Variants in ZNF385D observed in about 807,000 individuals in gnomAD.
ZNF385D encodes zinc finger protein 659.
Under a neutral mutation model 35.8 loss-of-function variants are expected in ZNF385D, and 15 were observed. The ratio of observed to expected loss-of-function variants is 0.42; its 90% CI spans 0.28 to 0.64. ZNF385D has a LOEUF of 0.64. Ranked by LOEUF, ZNF385D falls within the 30% of genes least tolerant of loss-of-function variation. ZNF385D has a pLI of 0.23. For missense variants in ZNF385D, 474 were observed against 494.6 expected, an observed-to-expected ratio of 0.96 and a Z score of 0.39; for synonymous variants, 212 against 186.8, an observed-to-expected ratio of 1.13 and a Z score of -1.10.
At chr3:21,423,818 C>A in intron 7 of ZNF385D, 145 bp downstream of exon 7, 1 of 683,672 alleles carries the variant, frequency 1.5e-6, no homozygotes, top group Non-Finnish European at 2.4e-6. Context: ...TCTCTTTTCC[C>A]TATGATCTAT....
intron 2 of ZNF385D, among the ~76,000 whole-genome samples, chr3:22,260,012 ATG>A (rs1553638194): frequency 1.3e-5 from 2 of 152,038 alleles, no homozygotes; most frequent in Non-Finnish European, 2.9e-5. Context: ...GGGAAACTGA[ATG>A]TGTGAGCAAA....
At chr3:21,564,783 A>C in intron 2 of ZNF385D, 99 bp from the exon 3 acceptor site, 1 of 540,318 alleles carries the variant, frequency 1.9e-6, no homozygotes, top group Non-Finnish European at 3.1e-6. Context: ...GTACAGCTTC[A>C]ATCTACTGCT....
At chr3:22,010,539 G>A (rs764386191) in intron 3 of ZNF385D, among the ~76,000 whole-genome samples, 1 of 152,158 alleles carries the variant, frequency 6.6e-6, no homozygotes, top group South Asian at 2.1e-4. Flanking sequence ...TTTCAGTCTA[G>A]AGACTGCAAG....
At chr3:21,550,156 GAAAGT>G (rs2062517104) in intron 3 of ZNF385D, among the ~76,000 whole-genome samples, 1 of 152,086 alleles carries the variant, frequency 6.6e-6, no homozygotes, top group African/African-American at 2.4e-5. Context: ...AGAAAATTTG[GAAAGT>G]AAAGAAGTAA....
chr3:22,013,565 A>C (rs1354522013), intron 3 of ZNF385D, among the ~76,000 whole-genome samples: 2 of 152,290 alleles, frequency 1.3e-5, no homozygotes, highest in Non-Finnish European at 2.9e-5. Flanking sequence ...TGGAACTTCA[A>C]GATAACACCA....
chr3:22,040,055 G>A (rs547362162), intron 3 of ZNF385D, among the ~76,000 whole-genome samples: 6 of 152,194 alleles, frequency 3.9e-5, no homozygotes, highest in Admixed American at 6.5e-5. Flanking sequence ...TCGTACTAAC[G>A]GCCAAGTCTC....
chr3:21,481,666 T>A (rs1704636641), intron 4 of ZNF385D, among the ~76,000 whole-genome samples: 1 of 152,072 alleles, frequency 6.6e-6, no homozygotes, highest in African/African-American at 2.4e-5. Flanking sequence ...AGTGCTGGGA[T>A]TACAGGTGAC....
intron 3 of ZNF385D, among the ~76,000 whole-genome samples, chr3:21,913,399 A>T (rs1700057770): frequency 2.0e-5 from 3 of 152,098 alleles, no homozygotes; most frequent in Admixed American, 1.3e-4. Context: ...CCCCAACCTG[A>T]TGTTAGATGG....
intron 3 of ZNF385D, among the ~76,000 whole-genome samples, chr3:21,758,812 T>TGAGGCA (rs1310787596): frequency 6.6e-6 from 1 of 151,854 alleles, no homozygotes; most frequent in Non-Finnish European, 1.5e-5. Flanking sequence ...TAGTTTTGTA[T>TGAGGCA]GAGGCAGAGG....
rs762361929 is a variant in ZNF385D, at chr3:21,436,985, C to G, written c.658G>C (p.Glu220Gln). The change falls in exon 5 of 8, where the codon GAG becomes CAG. Residue 220 changes from glutamate to glutamine, a missense_variant. Coordinates refer to ENST00000281523, the MANE Select transcript of ZNF385D (RefSeq NM_024697.3). ...KVAVNSASQL[E>Q]AHNSGTKHKT... ...TGCATCTCACCACTGTTGTGCGCCT[C>G]CAGCTGCGAGGCAGAGTTGACAGCA... The G allele has an allele frequency of 2.5e-6, 4 of 1,613,726 alleles. No individual in the cohort carries two copies. Among genetic ancestry groups the G allele is most frequent in the Non-Finnish European group, 3.4e-6 (4 of 1,179,854 alleles).
chr3:21,901,486 G>A (rs888302250), intron 3 of ZNF385D, among the ~76,000 whole-genome samples: 1 of 152,164 alleles, frequency 6.6e-6, no homozygotes, highest in South Asian at 2.1e-4. Context: ...TGTGGGAGTA[G>A]GATAGTTACA....
chr3:21,437,701 C>CAAAAAAAAAAAAAAA lies in ZNF385D; in HGVS notation c.440-513_440-499dup, dbSNP rs751739275. ...ACAGATCCTTTTGCAAATGCTTATA[C>CAAAAAAAAAAAAAAA]AAAAAAAAAAAAAAAAAACCGGAAC... is the stretch of plus-strand genomic sequence containing the variant. On this transcript the variant is annotated intron_variant, in intron 4 of 7. Transcript: ENST00000281523. Among the ~76,000 whole-genome samples, 214 of 77,178 alleles carry CAAAAAAAAAAAAAAA rather than the reference C, an allele frequency of 2.8e-3. 31 individuals carry two copies. The highest frequency in any genetic ancestry group is 4.1e-3 in the African/African-American group (79 of 19,078). 50.6% of individuals were successfully genotyped at this position (77,178 alleles called of 152,430 possible).
At chr3:22,191,965 C>T (rs1696068758) in intron 2 of ZNF385D, among the ~76,000 whole-genome samples, 1 of 152,114 alleles carries the variant, frequency 6.6e-6, no homozygotes, top group East Asian at 1.9e-4. Flanking sequence ...TTCCTCTTAA[C>T]TCTGTCTTGT....
intron 3 of ZNF385D, among the ~76,000 whole-genome samples, chr3:21,931,679 C>G (rs1559765961): frequency 6.6e-6 from 1 of 152,084 alleles, no homozygotes; most frequent in Non-Finnish European, 1.5e-5. Context: ...AAATGGATGC[C>G]TTCGGCTGGG....
intron 3 of ZNF385D, chr3:22,133,601 T>C (rs994472309): frequency 2.0e-5 from 3 of 152,076 alleles, no homozygotes; most frequent in Non-Finnish European, 4.4e-5. Context: ...TATATTAATT[T>C]TTATTTCTAC....
At chr3:21,687,814 T>C (rs191209643) in intron 1 of ZNF385D, among the ~76,000 whole-genome samples, 8 of 152,294 alleles carry the variant, frequency 5.3e-5, no homozygotes. Context: ...TCATGTACAA[T>C]TTTGATTTGT....
intron 3 of ZNF385D, among the ~76,000 whole-genome samples, chr3:21,762,838 T>C (rs7613563): frequency 0.94 from 143,696 of 152,224 alleles, 67,825 homozygotes; most frequent in East Asian, 0.98. Context: ...TTGGACCAAC[T>C]TGGGGCACCT....
intron 2 of ZNF385D, among the ~76,000 whole-genome samples, chr3:21,643,788 C>G (rs1481010090): frequency 6.6e-6 from 1 of 152,044 alleles, no homozygotes; most frequent in Non-Finnish European, 1.5e-5. Context: ...ACTGTGGTGT[C>G]CAATGCTAGC....
chr3:22,255,756 C>T (rs976693781), intron 2 of ZNF385D, among the ~76,000 whole-genome samples: 2 of 148,740 alleles, frequency 1.3e-5, no homozygotes, highest in Admixed American at 6.7e-5. Context: ...TGTATTTATT[C>T]TCTTGAGAGT....
Sources: gnomAD v4.1 joint callset for allele counts (sites outside exome capture counted in the v4.1 genomes callset) on GRCh38, gnomAD v4.1.1 for gene constraint, MANE v1.5 for transcripts, NCBI Gene and HGNC (gene_info 2026-07-23, HGNC 2026-07-21) for gene names.